RNF180: variants seen among roughly 807,000 people sequenced by gnomAD.
RNF180 encodes the protein E3 ubiquitin-protein ligase RNF180.
RNF180 carries 38 observed loss-of-function variants against 59.2 expected under a neutral mutation model. That is an observed-to-expected ratio of 0.64 (90% CI 0.50 to 0.84). RNF180 has a LOEUF of 0.84. RNF180 is among the 40% of genes least tolerant of loss of function. RNF180 has a pLI of 0.00. For synonymous variants in RNF180, 262 were observed against 240.3 expected (o/e 1.09, Z -0.84); for missense variants, 705 against 700.9 (o/e 1.01, Z -0.07).
intron 5 of RNF180, among the ~76,000 whole-genome samples, chr5:64,299,640 T>G (rs1743061536): frequency 6.6e-6 from 1 of 151,970 alleles, no homozygotes; most frequent in Non-Finnish European, 1.5e-5. Flanking sequence ...TGTCCAAGCC[T>G]TACCCTAGAA....
At position 64,370,514 on chromosome 5, in the gene RNF180, CTT is replaced by C. The variant is rs1746626170; in HGVS notation, c.*703_*704del. ...CCAGAAGACATGAAAAATTTACCGA[CTT>C]TTAGTAGTCTAAAAGAGCAATGCAT... On this transcript the variant is annotated 3_prime_UTR_variant, in exon 8 of 8. Transcript: ENST00000389100. The C allele has an allele frequency of 6.6e-6, 1 of 151,694 alleles. No homozygotes were observed. Among genetic ancestry groups the C allele is most frequent in the Admixed American group, 6.6e-5 (1 of 15,170 alleles). 9.4% of individuals were successfully genotyped at this position (151,694 alleles called of 1,614,324 possible).
intron 5 of RNF180, among the ~76,000 whole-genome samples, chr5:64,310,029 G>T (rs1052775268): frequency 1.3e-5 from 2 of 151,540 alleles, no homozygotes; most frequent in African/African-American, 4.8e-5. Flanking sequence ...TCTCAGATGG[G>T]TATCTATGAT....
intron 5 of RNF180, among the ~76,000 whole-genome samples, chr5:64,305,690 T>C (rs1420172735): frequency 6.6e-6 from 1 of 151,618 alleles, no homozygotes; most frequent in Non-Finnish European, 1.5e-5. Flanking sequence ...GTCACTACAT[T>C]AATTACTACA....
chr5:64,278,983 T>A (rs1364417919), intron 5 of RNF180, among the ~76,000 whole-genome samples: 1 of 152,138 alleles, frequency 6.6e-6, no homozygotes, highest in African/African-American at 2.4e-5. Flanking sequence ...CAGCCAAAGC[T>A]AGAGATTGAA....
intron 5 of RNF180, among the ~76,000 whole-genome samples, chr5:64,306,984 A>T (rs1743501345): frequency 1.3e-5 from 2 of 149,866 alleles, no homozygotes; most frequent in Admixed American, 6.7e-5. Flanking sequence ...TAATAATAAA[A>T]TAAAAAATAA....
chr5:64,370,469 C>A lies in RNF180; in HGVS notation c.*655C>A, dbSNP rs1746624313. ...CACTTTAGCTAGCTATAAACACTTT[C>A]CAGATTGAAGGATTAATCACCAGAA... On this transcript the variant is annotated 3_prime_UTR_variant, in exon 8 of 8. Transcript: ENST00000389100. 6.6e-6 allele frequency: 1 copy of A among 151,602 alleles called. No individual in the cohort carries two copies. Among genetic ancestry groups the A allele is most frequent in the Non-Finnish European group, 1.5e-5 (1 of 67,762 alleles). 9.4% of individuals were successfully genotyped at this position (151,602 alleles called of 1,614,324 possible).
chr5:64,188,726 G>A (rs1454446781), intron 1 of RNF180, among the ~76,000 whole-genome samples: 1 of 152,018 alleles, frequency 6.6e-6, no homozygotes, highest in Non-Finnish European at 1.5e-5. Flanking sequence ...TTTTCTTTGT[G>A]CCGTGACTTT....
At position 64,200,896 on chromosome 5, in the gene RNF180, C is replaced by G. The variant is rs1312986559; in HGVS notation, c.89C>G (p.Ala30Gly). Residue 30 changes from alanine to glycine, a missense_variant, in exon 2 of 8, where the codon GCA becomes GGA. Coordinates refer to ENST00000389100, the MANE Select transcript of RNF180 (RefSeq NM_001113561.2). ...TGTTGGAAATGTAGAAAATGTATAG[C>G]AAGCTCTGGTTGTTTTATGGAGTAT... Reference protein sequence around the residue: ...LRCWKCRKCIASSGCFMEYLE... With the variant: ...LRCWKCRKCIGSSGCFMEYLE... 13 of 1,613,318 alleles carry G rather than the reference C, an allele frequency of 8.1e-6. No homozygotes were observed. Among genetic ancestry groups the G allele is most frequent in the Middle Eastern group, 1.7e-4 (1 of 6,054 alleles).
At chr5:64,353,544 T>C (rs2112588534) in intron 7 of RNF180, among the ~76,000 whole-genome samples, 1 of 151,902 alleles carries the variant, frequency 6.6e-6, no homozygotes, top group African/African-American at 2.4e-5. Flanking sequence ...AGCCTAATTG[T>C]GTCCAATTTG....
At chr5:64,326,912 C>T (rs183267834) in intron 6 of RNF180, among the ~76,000 whole-genome samples, 20 of 152,198 alleles carry the variant, frequency 1.3e-4, no homozygotes, top group South Asian at 4.1e-4. Context: ...CAGTAGATTT[C>T]GGCAGTGAAG....
intron 7 of RNF180, among the ~76,000 whole-genome samples, chr5:64,346,666 G>C (rs1383639334): frequency 6.6e-6 from 1 of 151,938 alleles, no homozygotes; most frequent in Non-Finnish European, 1.5e-5. Context: ...CACTGTCCCT[G>C]GCCTAGTTTC....
chr5:64,246,146 A>G (rs1007935765), intron 5 of RNF180, among the ~76,000 whole-genome samples: 22 of 152,224 alleles, frequency 1.4e-4, no homozygotes, highest in Non-Finnish European at 2.5e-4. Flanking sequence ...ATAGCACTAA[A>G]TGTCCACAGG....
At chr5:64,168,505 T>A (rs1460739902) in intron 1 of RNF180, among the ~76,000 whole-genome samples, 1 of 152,224 alleles carries the variant, frequency 6.6e-6, no homozygotes, top group African/African-American at 2.4e-5. Flanking sequence ...CTATCAATTA[T>A]CTCTTTTCAT....
chr5:64,231,710 T>C (rs188805680), intron 5 of RNF180, among the ~76,000 whole-genome samples: 3 of 152,368 alleles, frequency 2.0e-5, no homozygotes, highest in Admixed American at 1.3e-4. Context: ...TGAATTTTGC[T>C]GTACCAGCAA....
intron 5 of RNF180, among the ~76,000 whole-genome samples, chr5:64,299,600 G>A (rs1743060062): frequency 6.6e-6 from 1 of 151,962 alleles, no homozygotes; most frequent in African/African-American, 2.4e-5. Flanking sequence ...CAAGAGGTAT[G>A]TGTTAGTATC....
intron 5 of RNF180, among the ~76,000 whole-genome samples, chr5:64,317,581 T>C (rs6871319): frequency 6.9e-6 from 1 of 144,216 alleles, no homozygotes; most frequent in Non-Finnish European, 1.5e-5. Context: ...TATATACACA[T>C]ATATATACAT....
chr5:64,206,846 G>A (rs568347099), intron 2 of RNF180, among the ~76,000 whole-genome samples: 21 of 152,222 alleles, frequency 1.4e-4, no homozygotes, highest in Admixed American at 7.2e-4. Flanking sequence ...GAGAGCCCTC[G>A]CCAGAGCCAG....
chr5:64,310,685 A>G (rs923478396), intron 5 of RNF180, among the ~76,000 whole-genome samples: 2 of 151,904 alleles, frequency 1.3e-5, no homozygotes, highest in African/African-American at 4.8e-5. Flanking sequence ...GTAAATGGCA[A>G]TCCAGAGATC....
At chr5:64,177,547 A>G (rs367940872) in intron 1 of RNF180, among the ~76,000 whole-genome samples, 1 of 50,746 alleles carries the variant, frequency 2.0e-5, no homozygotes, top group South Asian at 5.7e-4. Context: ...ATATATATAT[A>G]TATATATATA....
Sources: allele counts gnomAD v4.1 joint callset (sites outside exome capture counted in the v4.1 genomes callset), GRCh38; gene constraint gnomAD v4.1.1; transcripts MANE v1.5; gene names NCBI Gene and HGNC (gene_info 2026-07-23, HGNC 2026-07-21).